ITIH2: variants seen among roughly 807,000 people sequenced by gnomAD.
The protein encoded by ITIH2 is inter-alpha-trypsin inhibitor heavy chain H2.
In ITIH2, 103 loss-of-function variants were observed where a neutral mutation model predicts 104.4. The observed-to-expected ratio is 0.99, with a 90% CI of 0.84 to 1.16. ITIH2 has a LOEUF of 1.16. ITIH2 is among the 50% of genes most tolerant of loss of function. The probability of loss-of-function intolerance (pLI) is 0.00; values close to 1 mark genes in which losing one functional copy is unlikely to be tolerated. For missense variants in ITIH2, 1,108 were observed against 1,162.4 expected, an observed-to-expected ratio of 0.95 and a Z score of 0.68; for synonymous variants, 436 against 435.4, an observed-to-expected ratio of 1.00 and a Z score of -0.02.
chr10:7,727,067 A>G lies in ITIH2; in HGVS notation c.1102A>G (p.Thr368Ala). ...WRNDLISATK[T>A]QVADAKRYIE... ...AAATGATTTAATTTCAGCTACAAAAACACAGGTTGCAGATGCCAAGAGGTA... is the reference window on the plus strand; with the variant it reads ...AAATGATTTAATTTCAGCTACAAAAGCACAGGTTGCAGATGCCAAGAGGTA... The change falls in exon 10 of 21, where the codon ACA becomes GCA. Residue 368 changes from threonine to alanine, a missense_variant. By Grantham distance (58) the Thr-to-Ala change is moderately conservative (BLOSUM62 0). Transcript: ENST00000358415. 6.2e-7 allele frequency: 1 copy of G among 1,614,184 alleles called. No homozygotes were observed. Among genetic ancestry groups the G allele is most frequent in the Non-Finnish European group, 8.5e-7 (1 of 1,180,000 alleles).
rs998320840 is a variant in ITIH2, at chr10:7,707,600, T to C, written c.192+367T>C. 3.3e-4 allele frequency among the ~76,000 whole-genome samples: 51 copies of C among 152,332 alleles called. 3 individuals are homozygous for C. Among genetic ancestry groups the C allele is most frequent in the East Asian group, 2.5e-3 (13 of 5,192 alleles). The stretch of plus-strand genomic sequence containing the variant: ...ATTTTTTTGAGACAGAGTTTCACTT[T>C]TGTTGCCCAGGCTGGAGTGCAATGG... On this transcript the variant is annotated intron_variant, in intron 3 of 20. Transcript: ENST00000358415.
Position 7,744,232 on chromosome 10 carries a change from GCA to G in ITIH2, c.2363_2364del (p.Thr788IlefsTer32), listed in dbSNP as rs758304447. 12 of 1,614,000 alleles carry G rather than the reference GCA, an allele frequency of 7.4e-6. 1 individual carries two copies. The South Asian group carries it at 1.1e-4, about 15-fold the overall frequency. Reference sequence around the variant, plus strand: ...ACCATCACCCTGAGCCATGGTTCTAGCACATTCTCCTTGTCCTGGTCCGACAC... The same window carrying G: ...ACCATCACCCTGAGCCATGGTTCTAGCATTCTCCTTGTCCTGGTCCGACAC... On this transcript the variant is annotated frameshift_variant, in exon 18 of 21. Transcript: ENST00000358415. LOFTEE classifies it high-confidence loss of function.
chr10:7,740,638 G>T (rs935334227), intron 16 of ITIH2, among the ~76,000 whole-genome samples: 5 of 152,150 alleles, frequency 3.3e-5, no homozygotes, highest in African/African-American at 1.2e-4. Flanking sequence ...CTTCTTCCAA[G>T]TTTCTCTTCT....
intron 7 of ITIH2, 125 bp from the exon 8 acceptor site, chr10:7,721,524 C>T: frequency 1.2e-6 from 1 of 825,652 alleles, no homozygotes; most frequent in South Asian, 1.9e-5. Context: ...AATGGGTCCA[C>T]CGATATCGCG....
intron 16 of ITIH2, among the ~76,000 whole-genome samples, chr10:7,740,773 C>T (rs897461251): frequency 3.3e-5 from 5 of 152,096 alleles, no homozygotes; most frequent in Non-Finnish European, 7.4e-5. Context: ...ACCTCTAAAA[C>T]GGGGATGATA....
chr10:7,725,351 G>A (rs1445513765), intron 9 of ITIH2, among the ~76,000 whole-genome samples: 1 of 152,176 alleles, frequency 6.6e-6, no homozygotes, highest in African/African-American at 2.4e-5. Context: ...TAAATGCAAT[G>A]AACAGCTCAT....
chr10:7,727,114 T>C lies in ITIH2; in HGVS notation c.1149T>C (p.Ser383=), dbSNP rs754529002. The change falls in exon 10 of 21, where the codon AGT becomes AGC. Residue 383 remains serine (S), a synonymous_variant. Transcript: ENST00000358415. ...GGTATATTGAGAAAATCCAGCCCAG[T>C]GGAGGTGAGTGTGTTGGGCTAAATC... ...AKRYIEKIQP[S]GGTNINEALL... 2.2e-5 allele frequency: 36 copies of C among 1,612,830 alleles called. No individual in the cohort carries two copies. The highest frequency in any genetic ancestry group is 1.4e-4 in the South Asian group (13 of 90,884).
At chr10:7,744,999 CCGCTCT>C in intron 19 of ITIH2, 36 bp downstream of exon 19, 1 of 1,580,436 alleles carries the variant, frequency 6.3e-7, no homozygotes, top group Non-Finnish European at 8.7e-7. Flanking sequence ...AAGGGTGGGG[CCGCTCT>C]AATTCTTTAG....
chr10:7,709,144 G>A lies in ITIH2; in HGVS notation c.315G>A (p.Val105=). The change falls in exon 4 of 21, where the codon GTG becomes GTA. Residue 105 remains valine (V), a synonymous_variant. Coordinates refer to ENST00000358415, the MANE Select transcript of ITIH2 (RefSeq NM_002216.3). The stretch of plus-strand genomic sequence containing the variant: ...ATTCCCCGCAGCCTCAGAATGTCGT[G>A]TTTGATGTTCAGATCCCCAAAGGAG... ...VNNSPQPQNV[V]FDVQIPKGAF... is the part of the protein sequence containing the mutation. 3.1e-6 allele frequency: 5 copies of A among 1,614,096 alleles called. No individual in the cohort carries two copies. Among genetic ancestry groups the A allele is most frequent in the Non-Finnish European group, 3.4e-6 (4 of 1,180,016 alleles).
At chr10:7,723,654 C>T (rs1834927695) in intron 9 of ITIH2, 87 bp downstream of exon 9, 34 of 865,670 alleles carry the variant, frequency 3.9e-5, no homozygotes. Context: ...TATCCCTCCT[C>T]CCTGCTTAGG....
chr10:7,724,746 G>A (rs1180510156), intron 9 of ITIH2, among the ~76,000 whole-genome samples: 1 of 151,846 alleles, frequency 6.6e-6, no homozygotes, highest in Non-Finnish European at 1.5e-5. Context: ...GCTGTCTGGT[G>A]CATTGCAGGA....
At chr10:7,710,098 C>T (rs1204409732) in intron 4 of ITIH2, among the ~76,000 whole-genome samples, 1 of 152,126 alleles carries the variant, frequency 6.6e-6, no homozygotes, top group Non-Finnish European at 1.5e-5. Flanking sequence ...GTGATCTGCC[C>T]GCCTCGGCCT....
At chr10:7,721,505 C>G (rs1231504223) in intron 7 of ITIH2, 144 bp from the exon 8 acceptor site, 2 of 677,540 alleles carry the variant, frequency 3.0e-6, no homozygotes, top group African/African-American at 1.8e-5. Context: ...GCATGTCCTT[C>G]CCATCAGTAA....
chr10:7,733,203 A>G (rs11255322), intron 14 of ITIH2, among the ~76,000 whole-genome samples: 20,047 of 151,894 alleles, frequency 0.13, 2,430 homozygotes, highest in African/African-American at 0.33. Flanking sequence ...CCTAAATTTC[A>G]CATAATCATG....
chr10:7,707,122 T>C (rs1834754356), intron 2 of ITIH2, 79 bp from the exon 3 acceptor site: 1 of 964,482 alleles, frequency 1.0e-6, no homozygotes, highest in Non-Finnish European at 1.6e-6. Context: ...ATTTCTTTTT[T>C]GACTGAGAAA....
intron 5 of ITIH2, among the ~76,000 whole-genome samples, chr10:7,713,965 G>T (rs749441105): frequency 6.6e-6 from 1 of 151,840 alleles, no homozygotes; most frequent in Non-Finnish European, 1.5e-5. Flanking sequence ...CTGGGATTAC[G>T]GGCTGAAACC....
At chr10:7,744,715 A>G (rs961861417) in intron 18 of ITIH2, 76 bp from the exon 19 acceptor site, 1 of 1,256,900 alleles carries the variant, frequency 8.0e-7, no homozygotes, top group Admixed American at 2.3e-5. Flanking sequence ...AAGAGTTCAT[A>G]TTAGGGGTGA....
Position 7,738,794 on chromosome 10 carries a change from C to A in ITIH2, c.2095+36C>A. On this transcript the variant is annotated intron_variant, in intron 16 of 20. Transcript: ENST00000358415. Reference sequence around the variant, plus strand: ...TACACTGCTTGCACGTCCCAGAACTCAGCCGACCATAATCCTGGGAAGCAT... The same window carrying A: ...TACACTGCTTGCACGTCCCAGAACTAAGCCGACCATAATCCTGGGAAGCAT... 2 of 1,534,754 alleles carry A rather than the reference C, an allele frequency of 1.3e-6. 1 individual carries two copies. The highest frequency in any genetic ancestry group is 2.5e-5 in the South Asian group (2 of 79,764).
At chr10:7,727,949 A>G (rs1036147316) in intron 11 of ITIH2, 121 bp downstream of exon 11, 3 of 1,169,392 alleles carry the variant, frequency 2.6e-6, no homozygotes, top group Non-Finnish European at 3.6e-6. Flanking sequence ...TTTTAAACCC[A>G]TGCTTCCTAA....
Sources: gnomAD v4.1 joint callset for allele counts (sites outside exome capture counted in the v4.1 genomes callset) on GRCh38, gnomAD v4.1.1 for gene constraint, MANE v1.5 for transcripts, NCBI Gene and HGNC (gene_info 2026-07-23, HGNC 2026-07-21) for gene names.